Variants in EPHA8 observed in about 807,000 individuals in gnomAD.
EPHA8 encodes the protein ephrin type-A receptor 8.
Under a neutral mutation model 103.6 loss-of-function variants are expected in EPHA8, and 58 were observed. The ratio of observed to expected loss-of-function variants is 0.56; its 90% CI spans 0.45 to 0.70. EPHA8 has a LOEUF of 0.70. EPHA8 is among the 30% of genes least tolerant of loss of function. EPHA8 has a pLI of 0.00. For missense variants in EPHA8, 1,304 were observed against 1,395.2 expected, an observed-to-expected ratio of 0.93 and a Z score of 1.04; for synonymous variants, 559 against 572.5, an observed-to-expected ratio of 0.98 and a Z score of 0.34.
At chr1:22,580,047 T>C (rs1640999319) in intron 3 of EPHA8, among the ~76,000 whole-genome samples, 1 of 151,472 alleles carries the variant, frequency 6.6e-6, no homozygotes, top group African/African-American at 2.4e-5. Flanking sequence ...TGCCCAGAGA[T>C]CTCTGGGGCC....
At chr1:22,579,339 A>G (rs1244768757) in intron 3 of EPHA8, among the ~76,000 whole-genome samples, 1 of 144,424 alleles carries the variant, frequency 6.9e-6, no homozygotes, top group East Asian at 2.1e-4. Context: ...CCATGTGTGC[A>G]TGAGTGTATG....
chr1:22,570,380 A>G (rs927289390), intron 2 of EPHA8, among the ~76,000 whole-genome samples: 1 of 88,632 alleles, frequency 1.1e-5, no homozygotes. Flanking sequence ...GCGCGTACAC[A>G]CACGCGCGCG....
chr1:22,570,352 A>C (rs1052653273), intron 2 of EPHA8, among the ~76,000 whole-genome samples: 2 of 115,232 alleles, frequency 1.7e-5, no homozygotes, highest in African/African-American at 8.9e-5. Flanking sequence ...GCGTGGGTAC[A>C]CACATGCACA....
chr1:22,598,309 G>A lies in EPHA8; in HGVS notation c.2178+97G>A, dbSNP rs1000924051. ...CAAAGCCCTCTAAGCCCCCTCCCTG[G>A]CTTGGACACCACAGGCCGGGGGACA... is the stretch of plus-strand genomic sequence containing the variant. On this transcript the variant is annotated intron_variant, in intron 12 of 16. Coordinates refer to ENST00000166244, the MANE Select transcript of EPHA8 (RefSeq NM_020526.5). This position sits in a 1 kb window ranked among gnomAD's most constrained non-coding sequence, Gnocchi z 5.1. 14 of 1,262,822 alleles carry A rather than the reference G, an allele frequency of 1.1e-5. No individual in the cohort carries two copies. Among genetic ancestry groups the A allele is most frequent in the Non-Finnish European group, 1.6e-5 (14 of 894,414 alleles). The allele number at this position is 1,262,822 out of a possible 1,614,324, so 78.2% of individuals were successfully genotyped here.
chr1:22,595,351 G>A, intron 8 of EPHA8, 28 bp downstream of exon 8: 1 of 1,593,340 alleles, frequency 6.3e-7, no homozygotes, highest in Non-Finnish European at 8.6e-7. Context: ...GCCACACCCA[G>A]CCCCTCCTCT....
In EPHA8 at chr1:22,602,587, CG is replaced by C. The variant is rs1287257984; in HGVS notation, c.*851del. On this transcript the variant is annotated 3_prime_UTR_variant, in exon 17 of 17. Transcript: ENST00000166244. ...CTGGGCTTGGCTGCCTGGCCAGGGC[CG>C]GGGGCTCAGCAGCCTCCTCTAGCCT... 7 of 152,914 alleles carry C rather than the reference CG, an allele frequency of 4.6e-5. No homozygotes were observed. Among genetic ancestry groups the C allele is most frequent in the African/African-American group, 1.2e-4 (5 of 41,466 alleles). 9.5% of individuals were successfully genotyped at this position (152,914 alleles called of 1,614,324 possible).
intron 3 of EPHA8, among the ~76,000 whole-genome samples, chr1:22,578,080 T>TGTAGCGTCA (rs1640804506): frequency 2.4e-5 from 2 of 81,868 alleles, no homozygotes; most frequent in Non-Finnish European, 2.5e-5. Flanking sequence ...TATGTATGCA[T>TGTAGCGTCA]GTGTGTGCAT....
chr1:22,569,185 G>A lies in EPHA8; in HGVS notation c.95-104G>A, dbSNP rs1640453840. Reference sequence around the variant, plus strand: ...AGGCAGAGGGACCCGTGTGAGCTGTGTGCTGGGGGCTGAGTGTGGACCAGT... The same window carrying A: ...AGGCAGAGGGACCCGTGTGAGCTGTATGCTGGGGGCTGAGTGTGGACCAGT... On this transcript the variant is annotated intron_variant, in intron 1 of 16. Coordinates refer to ENST00000166244, the MANE Select transcript of EPHA8 (RefSeq NM_020526.5). The surrounding 1 kb of genome is among the most constrained non-coding windows in gnomAD (Gnocchi z 4.5). 2.7e-6 allele frequency: 3 copies of A among 1,108,800 alleles called. No homozygotes were observed. The highest frequency in any genetic ancestry group is 4.1e-6 in the Non-Finnish European group (3 of 733,486). The allele number at this position is 1,108,800 out of a possible 1,614,324, so 68.7% of individuals were successfully genotyped here. A position where few individuals can be genotyped will look rare whatever the true frequency, so the allele number is the denominator to read the frequency against.
Position 22,576,310 on chromosome 1 carries a change from C to A in EPHA8, c.253C>A (p.Arg85Ser). 6.2e-7 allele frequency: 1 copy of A among 1,613,900 alleles called. No homozygotes were observed. The highest frequency in any genetic ancestry group is 8.5e-7 in the Non-Finnish European group (1 of 1,180,034). ...GAGCCCCAACCAGAACAACTGGCTG[C>A]GCACGAGCTGGGTCCCCCGAGACGG... is the stretch of plus-strand genomic sequence containing the variant. ...VMSPNQNNWLRTSWVPRDGAR... is the reference protein window; with the variant it reads ...VMSPNQNNWLSTSWVPRDGAR... Residue 85 changes from arginine (R) to serine (S), a missense_variant, in exon 3 of 17, where the codon CGC becomes AGC. Physicochemically the swap from Arg to Ser is moderately radical, Grantham distance 110 (BLOSUM62 -1). Coordinates refer to ENST00000166244, the MANE Select transcript of EPHA8 (RefSeq NM_020526.5). This position sits in a 1 kb window ranked among gnomAD's most constrained non-coding sequence, Gnocchi z 4.8.
chr1:22,568,458 A>C (rs962004544), intron 1 of EPHA8, among the ~76,000 whole-genome samples: 1 of 152,198 alleles, frequency 6.6e-6, no homozygotes. Context: ...TGCTACAGCA[A>C]GTGCTCCGAA....
chr1:22,588,279 C>T (rs1036109861), intron 4 of EPHA8, among the ~76,000 whole-genome samples: 4 of 152,128 alleles, frequency 2.6e-5, no homozygotes, highest in East Asian at 1.9e-4. Flanking sequence ...CCCAGCCCCA[C>T]GTCCTGGTCT....
chr1:22,586,683 C>A (rs776327630), intron 4 of EPHA8, 48 bp downstream of exon 4: 1 of 1,594,364 alleles, frequency 6.3e-7, no homozygotes, highest in Admixed American at 1.7e-5. Context: ...AAGACTGGGC[C>A]GGGCCCCTGT....
chr1:22,589,453 C>A lies in EPHA8; in HGVS notation c.1315+247C>A. 4 of 1,489,752 alleles carry A rather than the reference C, an allele frequency of 2.7e-6. No individual in the cohort carries two copies. The highest frequency in any genetic ancestry group is 1.4e-5 in the African/African-American group (1 of 71,626). 92.3% of individuals were successfully genotyped at this position (1,489,752 alleles called of 1,614,324 possible). On this transcript the variant is annotated intron_variant, in intron 5 of 16. Transcript: ENST00000166244. This position sits in a 1 kb window ranked among gnomAD's most constrained non-coding sequence, Gnocchi z 4.3. ...GCAGGCTAGTGTGGCCGTCGAAAGC[C>A]TAGGTTCCAGAACTTTCCCTCTCTG...
chr1:22,565,897 A>G (rs1321922300), intron 1 of EPHA8, among the ~76,000 whole-genome samples: 4 of 152,200 alleles, frequency 2.6e-5, no homozygotes, highest in African/African-American at 9.7e-5. Flanking sequence ...CACGAGTCAG[A>G]CAGCCATGGG....
intron 2 of EPHA8, among the ~76,000 whole-genome samples, chr1:22,570,852 C>G (rs1157204440): frequency 6.6e-6 from 1 of 152,256 alleles, no homozygotes; most frequent in Non-Finnish European, 1.5e-5. Context: ...ATCAGTTCCC[C>G]ACTCTGTAAA....
chr1:22,571,134 C>T (rs1417503225), intron 2 of EPHA8, among the ~76,000 whole-genome samples: 1 of 152,228 alleles, frequency 6.6e-6, no homozygotes, highest in East Asian at 1.9e-4. Context: ...GGGTTTTCAG[C>T]AGGTGGGGAG....
At chr1:22,579,407 AGT>A (rs928273519) in intron 3 of EPHA8, among the ~76,000 whole-genome samples, 4 of 139,614 alleles carry the variant, frequency 2.9e-5, no homozygotes, top group African/African-American at 2.7e-5. Flanking sequence ...TGTGTTCATG[AGT>A]GTATGTATGT....
chr1:22,596,263 A>T (rs767584531), intron 9 of EPHA8, 90 bp downstream of exon 9: 25 of 1,325,190 alleles, frequency 1.9e-5, no homozygotes, highest in Non-Finnish European at 2.0e-5. Context: ...GGGAAGGAGG[A>T]AGGTGCCCAG....
intron 4 of EPHA8, among the ~76,000 whole-genome samples, chr1:22,588,419 G>T (rs923746719): frequency 2.6e-5 from 4 of 152,194 alleles, no homozygotes; most frequent in African/African-American, 7.2e-5. Flanking sequence ...GCTTCTGGGG[G>T]CCTCCACTTA....
Sources: gnomAD v4.1 joint callset for allele counts (sites outside exome capture counted in the v4.1 genomes callset) on GRCh38, gnomAD v4.1.1 for gene constraint, Gnocchi (gnomAD v3.1) non-coding constraint, MANE v1.5 for transcripts, NCBI Gene and HGNC (gene_info 2026-07-23, HGNC 2026-07-21) for gene names.